ELMOD1: variants seen among roughly 807,000 people sequenced by gnomAD.
ELMOD1 encodes the protein ELMO domain containing 1, also known as ELMO domain-containing protein 1.
Under a neutral mutation model 46.7 loss-of-function variants are expected in ELMOD1, and 21 were observed. The ratio of observed to expected loss-of-function variants is 0.45; its 90% CI spans 0.32 to 0.65. The LOEUF (loss-of-function observed/expected upper bound fraction) is 0.65. Among genes scored for constraint, ELMOD1 ranks in the 30% least tolerant of loss-of-function variants. ELMOD1 has a pLI of 0.04. For missense variants in ELMOD1, 348 were observed against 407.8 expected, an observed-to-expected ratio of 0.85 and a Z score of 1.26; for synonymous variants, 122 against 138.2, an observed-to-expected ratio of 0.88 and a Z score of 0.82.
chr11:107,599,915 G>C (rs901846465), intron 1 of ELMOD1, among the ~76,000 whole-genome samples: 1 of 151,988 alleles, frequency 6.6e-6, no homozygotes, highest in East Asian at 1.9e-4. Flanking sequence ...GTCTTCCAAA[G>C]CTATTAAAGA....
intron 1 of ELMOD1, among the ~76,000 whole-genome samples, chr11:107,596,007 A>G (rs574788158): frequency 6.6e-5 from 10 of 152,190 alleles, no homozygotes; most frequent in African/African-American, 2.4e-4. Context: ...GCAAATGCCT[A>G]AGGAGAGCTT....
intron 11 of ELMOD1, among the ~76,000 whole-genome samples, chr11:107,658,963 T>C (rs1866681237): frequency 6.6e-6 from 1 of 152,148 alleles, no homozygotes; most frequent in Non-Finnish European, 1.5e-5. Flanking sequence ...AAAAAGTCTG[T>C]GGCTGCCTTA....
rs377043060 is a variant in ELMOD1 at position 107,619,349 on chromosome 11, T to C, written c.17+1143T>C. Reference sequence around the variant, plus strand: ...GTATTTGAAAAATCAGGAGGACATTTGCCAGCCAAGTATTTGACCTAATAT... The same window carrying C: ...GTATTTGAAAAATCAGGAGGACATTCGCCAGCCAAGTATTTGACCTAATAT... On this transcript the variant is annotated intron_variant, in intron 2 of 11. Coordinates refer to ENST00000265840, the MANE Select transcript of ELMOD1 (RefSeq NM_018712.4). Among the ~76,000 whole-genome samples, 6 of 152,372 alleles carry C rather than the reference T, an allele frequency of 3.9e-5. No individual in the cohort carries two copies. In the East Asian group the frequency reaches 5.8e-4, roughly 15 times the overall value.
intron 1 of ELMOD1, among the ~76,000 whole-genome samples, chr11:107,614,592 C>T (rs1252902501): frequency 1.3e-5 from 2 of 152,180 alleles, no homozygotes; most frequent in African/African-American, 4.8e-5. Context: ...CCGCCTCGGC[C>T]TCCCAAAGTG....
intron 4 of ELMOD1, among the ~76,000 whole-genome samples, chr11:107,631,137 A>G (rs543547308): frequency 1.3e-5 from 2 of 152,208 alleles, no homozygotes; most frequent in South Asian, 4.1e-4. Flanking sequence ...GAGCATCCAT[A>G]TAAGAAAGAA....
intron 11 of ELMOD1, among the ~76,000 whole-genome samples, chr11:107,662,206 C>T (rs900191947): frequency 2.6e-5 from 4 of 152,180 alleles, no homozygotes; most frequent in African/African-American, 9.6e-5. Flanking sequence ...TGCAGTGGCA[C>T]CATCCTAGCT....
At chr11:107,614,400 G>A (rs1003808462) in intron 1 of ELMOD1, among the ~76,000 whole-genome samples, 9 of 152,166 alleles carry the variant, frequency 5.9e-5, no homozygotes, top group South Asian at 2.1e-4. Flanking sequence ...GTGCAATGGT[G>A]CAATCTTGGC....
intron 1 of ELMOD1, among the ~76,000 whole-genome samples, chr11:107,595,295 C>G (rs1865474598): frequency 1.3e-5 from 2 of 152,016 alleles, no homozygotes; most frequent in Non-Finnish European, 2.9e-5. Flanking sequence ...AACTAAGTAG[C>G]TCATTAGGGT....
intron 8 of ELMOD1, 146 bp from the exon 9 acceptor site, chr11:107,650,739 A>G: frequency 9.6e-6 from 6 of 622,812 alleles, no homozygotes; most frequent in Non-Finnish European, 1.6e-5. Flanking sequence ...AACAGAAGGA[A>G]GAATGGAAGT....
At chr11:107,617,723 GC>G (rs1865885919) in intron 1 of ELMOD1, among the ~76,000 whole-genome samples, 1 of 152,116 alleles carries the variant, frequency 6.6e-6, no homozygotes. Flanking sequence ...CAAAGTTGGG[GC>G]CGCCAGATAC....
In ELMOD1 at chr11:107,625,282, T is replaced by A. The variant is rs111714847; in HGVS notation, c.18-5135T>A. 2,525 of 612,334 alleles carry A rather than the reference T, an allele frequency of 4.1e-3. 4 individuals are homozygous for A. The highest frequency in any genetic ancestry group is 5.3e-3 in the Admixed American group (84 of 15,830). The allele number at this position is 612,334 out of a possible 1,614,324, so 37.9% of individuals were successfully genotyped here. On this transcript the variant is annotated intron_variant, in intron 2 of 11. Coordinates refer to ENST00000265840, the MANE Select transcript of ELMOD1 (RefSeq NM_018712.4). ...GGGACATTGAGCCGCTTGCTCTTCTTTATGACATTTAGATGAAAAGTATTT... is the reference window on the plus strand; with the variant it reads ...GGGACATTGAGCCGCTTGCTCTTCTATATGACATTTAGATGAAAAGTATTT...
intron 6 of ELMOD1, among the ~76,000 whole-genome samples, chr11:107,644,843 G>C (rs892254930): frequency 1.3e-5 from 2 of 151,964 alleles, no homozygotes; most frequent in Admixed American, 6.6e-5. Flanking sequence ...TGAATGTGAC[G>C]AACTTTACAT....
At chr11:107,609,795 C>A (rs1865746034) in intron 1 of ELMOD1, among the ~76,000 whole-genome samples, 1 of 152,176 alleles carries the variant, frequency 6.6e-6, no homozygotes, top group Non-Finnish European at 1.5e-5. Context: ...CAAGCACAAT[C>A]ATTTGATCCT....
chr11:107,619,368 C>G (rs1312054041), intron 2 of ELMOD1, among the ~76,000 whole-genome samples: 2 of 152,138 alleles, frequency 1.3e-5, no homozygotes, highest in Non-Finnish European at 2.9e-5. Flanking sequence ...AGTATTTGAC[C>G]TAATATGTTC....
intron 6 of ELMOD1, among the ~76,000 whole-genome samples, chr11:107,642,271 T>C (rs2135700849): frequency 6.6e-6 from 1 of 152,090 alleles, no homozygotes; most frequent in African/African-American, 2.4e-5. Flanking sequence ...GATGGGTTTG[T>C]CTGATGAGGA....
At chr11:107,631,208 G>A (rs963313695) in intron 4 of ELMOD1, among the ~76,000 whole-genome samples, 1 of 151,936 alleles carries the variant, frequency 6.6e-6, no homozygotes, top group Non-Finnish European at 1.5e-5. Flanking sequence ...ACATCCTGAA[G>A]ACTATCTCCC....
intron 1 of ELMOD1, among the ~76,000 whole-genome samples, chr11:107,606,113 T>C (rs924559759): frequency 2.0e-5 from 3 of 152,244 alleles, no homozygotes; most frequent in Non-Finnish European, 4.4e-5. Flanking sequence ...AGAGTCTTAC[T>C]GAATTATATC....
At chr11:107,610,066 G>A (rs1865750172) in intron 1 of ELMOD1, among the ~76,000 whole-genome samples, 1 of 152,198 alleles carries the variant, frequency 6.6e-6, no homozygotes, top group South Asian at 2.1e-4. Context: ...CAAGCAGTGT[G>A]TCAGGCATTG....
At chr11:107,630,819 C>A in intron 4 of ELMOD1, 91 bp downstream of exon 4, 2 of 1,292,088 alleles carry the variant, frequency 1.5e-6, no homozygotes, top group Non-Finnish European at 2.2e-6. Context: ...CAAAATATAC[C>A]ACTGGCTAGG....
Sources: gnomAD v4.1 joint callset for allele counts (sites outside exome capture counted in the v4.1 genomes callset) on GRCh38, gnomAD v4.1.1 for gene constraint, MANE v1.5 for transcripts, NCBI Gene and HGNC (gene_info 2026-07-23, HGNC 2026-07-21) for gene names.